GAS7: variants seen among roughly 807,000 people sequenced by gnomAD.
The protein encoded by GAS7 is growth arrest specific 7.
A neutral mutation model predicts 71.1 loss-of-function variants in GAS7; 28 were observed. The observed-to-expected ratio is 0.39, with a 90% CI of 0.29 to 0.54. GAS7 has a LOEUF of 0.54. Ranked by LOEUF, GAS7 falls within the 20% of genes least tolerant of loss-of-function variation. The pLI, the probability that GAS7 is intolerant of heterozygous loss-of-function variation, is 0.62. For synonymous variants in GAS7, 258 were observed against 245.8 expected (o/e 1.05, Z -0.46); for missense variants, 436 against 627.8 (o/e 0.69, Z 3.27).
At chr17:10,048,806 T>C (rs562249553) in intron 1 of GAS7, among the ~76,000 whole-genome samples, 2 of 152,308 alleles carry the variant, frequency 1.3e-5, no homozygotes, top group South Asian at 2.1e-4. Flanking sequence ...AACACAGCCA[T>C]GGGGAAGTAA....
chr17:9,965,798 C>A (rs2069683471), intron 4 of GAS7, among the ~76,000 whole-genome samples: 1 of 152,190 alleles, frequency 6.6e-6, no homozygotes, highest in South Asian at 2.1e-4. Context: ...AAACCCTCCA[C>A]TGGGTGGCAC....
chr17:9,968,400 G>A (rs1196148325), intron 4 of GAS7, among the ~76,000 whole-genome samples: 1 of 152,176 alleles, frequency 6.6e-6, no homozygotes, highest in Admixed American at 6.5e-5. Context: ...AGATCTCCTG[G>A]ATTAGAATCT....
rs374616047 is a variant in GAS7, at chr17:9,928,906, T to C, written c.886-2137A>G. Among the ~76,000 whole-genome samples the C allele has an allele frequency of 2.8e-4, 43 of 152,286 alleles. No individual in the cohort carries two copies. The East Asian group carries it at 5.4e-3, about 19-fold the overall frequency. ...CCTGGGTGACAAGAAGACAGCTTTGTCGCTGGATGACCGTCACAGACTAAC... is the reference window on the plus strand; with the variant it reads ...CCTGGGTGACAAGAAGACAGCTTTGCCGCTGGATGACCGTCACAGACTAAC... On this transcript the variant is annotated intron_variant, in intron 9 of 13. Coordinates refer to ENST00000432992, the MANE Select transcript of GAS7 (RefSeq NM_201433.2).
At chr17:10,011,296 A>T (rs1364652363) in intron 2 of GAS7, among the ~76,000 whole-genome samples, 1 of 152,206 alleles carries the variant, frequency 6.6e-6, no homozygotes. Context: ...TGCATGGTGG[A>T]ATCTGGCTTT....
At chr17:9,980,811 A>C (rs1189957971) in intron 3 of GAS7, among the ~76,000 whole-genome samples, 1 of 152,208 alleles carries the variant, frequency 6.6e-6, no homozygotes, top group Non-Finnish European at 1.5e-5. Context: ...TGAGATCTAA[A>C]GTGACTGCAT....
At chr17:10,158,119 T>C (rs1354884466) in intron 1 of GAS7, among the ~76,000 whole-genome samples, 1 of 152,200 alleles carries the variant, frequency 6.6e-6, no homozygotes, top group Non-Finnish European at 1.5e-5. Context: ...GATGCCATCC[T>C]CCTGCCTCAG....
chr17:10,069,002 T>A (rs956124927), intron 1 of GAS7, among the ~76,000 whole-genome samples: 3 of 152,156 alleles, frequency 2.0e-5, no homozygotes, highest in Non-Finnish European at 4.4e-5. Flanking sequence ...AAGGAGCTGG[T>A]CATGTAGGCA....
At position 9,994,531 on chromosome 17, in the gene GAS7, C is replaced by T. The variant is rs59848277; in HGVS notation, c.305-12647G>A. 9.2e-3 allele frequency among the ~76,000 whole-genome samples: 1,336 copies of T among 145,386 alleles called. 26 individuals carry two copies. The highest frequency in any genetic ancestry group is 0.032 in the African/African-American group (1,240 of 38,682). ...CTTACACCTTATACAAAAATCAATT[C>T]AAGATGGATTAAAGACTTAAACGTT... On this transcript the variant is annotated intron_variant, in intron 2 of 13. Coordinates refer to ENST00000432992, the MANE Select transcript of GAS7 (RefSeq NM_201433.2).
In GAS7 at chr17:9,913,388, A is replaced by C. The variant is rs771285863; in HGVS notation, c.*3840T>G. On this transcript the variant is annotated 3_prime_UTR_variant, in exon 14 of 14. Coordinates refer to ENST00000432992, the MANE Select transcript of GAS7 (RefSeq NM_201433.2). ...CAAGACTACCTGCAGCTGGAAGTAA[A>C]ATCACCTAAACAAGCCAAGGTCGCT... is the stretch of plus-strand genomic sequence containing the variant. 2 of 232,710 alleles carry C rather than the reference A, an allele frequency of 8.6e-6. No homozygotes were observed. Among genetic ancestry groups the C allele is most frequent in the Non-Finnish European group, 1.7e-5 (2 of 117,400 alleles). The allele number at this position is 232,710 out of a possible 1,614,324, so 14.4% of individuals were successfully genotyped here. A position where few individuals can be genotyped will look rare whatever the true frequency, so the allele number is the denominator to read the frequency against.
chr17:10,121,327 G>A (rs2073903102), intron 1 of GAS7, among the ~76,000 whole-genome samples: 2 of 152,198 alleles, frequency 1.3e-5, no homozygotes, highest in Non-Finnish European at 2.9e-5. Flanking sequence ...ATTGCAGTGA[G>A]CCAAGACTGG....
At chr17:10,180,029 T>C (rs183765587) in intron 1 of GAS7, among the ~76,000 whole-genome samples, 10 of 152,218 alleles carry the variant, frequency 6.6e-5, no homozygotes, top group African/African-American at 2.4e-4. Context: ...GTGGGCCTTA[T>C]TATTCCCACT....
At chr17:9,920,488 G>A (rs1338283058) in intron 11 of GAS7, among the ~76,000 whole-genome samples, 1 of 152,246 alleles carries the variant, frequency 6.6e-6, no homozygotes, top group Non-Finnish European at 1.5e-5. Context: ...ACACTGCGAA[G>A]TAATTGCAAA....
rs547693374 is a variant in GAS7 at position 9,925,458 on chromosome 17, C to T, written c.1138+18G>A. 28 of 1,613,618 alleles carry T rather than the reference C, an allele frequency of 1.7e-5. No homozygotes were observed. Among genetic ancestry groups the T allele is most frequent in the South Asian group, 2.2e-5 (2 of 91,058 alleles). The stretch of plus-strand genomic sequence containing the variant: ...TTCTGTGTGCACTGACCAGGCCAGG[C>T]GGGTGCCCAGCACTTACCAGCCTGT... On this transcript the variant is annotated intron_variant, in intron 11 of 13. Coordinates refer to ENST00000432992, the MANE Select transcript of GAS7 (RefSeq NM_201433.2).
chr17:10,049,609 C>CTTTTTTTT lies in GAS7; in HGVS notation c.184-29720_184-29713dup, dbSNP rs1168627510. On this transcript the variant is annotated intron_variant, in intron 1 of 13. Transcript: ENST00000432992. ...TTTAAAACGTGTTTTGAAATTACTT[C>CTTTTTTTT]TTTTTTTTTTTTTTTTTTTTTTTTT... Among the ~76,000 whole-genome samples, 13 of 70,394 alleles carry CTTTTTTTT rather than the reference C, an allele frequency of 1.8e-4. 2 individuals are homozygous for CTTTTTTTT. Among genetic ancestry groups the CTTTTTTTT allele is most frequent in the Non-Finnish European group, 2.8e-4 (10 of 36,006 alleles). 46.2% of individuals were successfully genotyped at this position (70,394 alleles called of 152,430 possible).
intron 1 of GAS7, among the ~76,000 whole-genome samples, chr17:10,163,621 C>T (rs80248857): frequency 6.6e-6 from 1 of 152,120 alleles, no homozygotes; most frequent in African/African-American, 2.4e-5. Flanking sequence ...ACTCCTGCAT[C>T]TTACCTCAGC....
At chr17:10,058,876 G>C (rs368070943) in intron 1 of GAS7, among the ~76,000 whole-genome samples, 1 of 152,186 alleles carries the variant, frequency 6.6e-6, no homozygotes, top group African/African-American at 2.4e-5. Flanking sequence ...CTGAATCCAC[G>C]CAAATCCAAG....
At chr17:10,124,112 G>A (rs1433246442) in intron 1 of GAS7, among the ~76,000 whole-genome samples, 2 of 152,236 alleles carry the variant, frequency 1.3e-5, no homozygotes, top group Non-Finnish European at 2.9e-5. Context: ...GGGCCCCTGA[G>A]GAGGCGGAGT....
intron 2 of GAS7, among the ~76,000 whole-genome samples, chr17:10,001,690 T>C (rs1169720029): frequency 6.6e-6 from 1 of 152,224 alleles, no homozygotes; most frequent in African/African-American, 2.4e-5. Flanking sequence ...ACAGCACAGC[T>C]GCAGGCAAGA....
chr17:9,977,557 T>C (rs2070253803), intron 3 of GAS7, among the ~76,000 whole-genome samples: 1 of 152,232 alleles, frequency 6.6e-6, no homozygotes, highest in Non-Finnish European at 1.5e-5. Flanking sequence ...GTTTAAAGTT[T>C]ATTTCTTACT....
Sources: gnomAD v4.1 joint callset for allele counts (sites outside exome capture counted in the v4.1 genomes callset) on GRCh38, gnomAD v4.1.1 for gene constraint, MANE v1.5 for transcripts, NCBI Gene and HGNC (gene_info 2026-07-23, HGNC 2026-07-21) for gene names.